The following RBFOX1 variants were observed in gnomAD, a reference collection of about 807,000 sequenced individuals.
RBFOX1 encodes RNA binding fox-1 homolog 1.
RBFOX1 carries 8 observed loss-of-function variants against 57.7 expected under a neutral mutation model. That is an observed-to-expected ratio of 0.14 (90% CI 0.08 to 0.25). The LOEUF (loss-of-function observed/expected upper bound fraction) is 0.25, where lower values mean the gene tolerates loss of function less well. Ranked by LOEUF, RBFOX1 falls within the 10% of genes least tolerant of loss-of-function variation. The pLI is 1.00. For missense variants in RBFOX1, 611 were observed against 548.5 expected, an observed-to-expected ratio of 1.11 and a Z score of -1.14; for synonymous variants, 326 against 222.4, an observed-to-expected ratio of 1.47 and a Z score of -4.15.
At chr16:7,461,053 G>C (rs75595386) in intron 4 of RBFOX1, among the ~76,000 whole-genome samples, 1 of 152,186 alleles carries the variant, frequency 6.6e-6, no homozygotes, top group Non-Finnish European at 1.5e-5. Flanking sequence ...CTGTTAGCCA[G>C]ATAATTATCT....
chr16:5,823,155 T>G (rs983512388), intron 3 of RBFOX1, among the ~76,000 whole-genome samples: 7 of 152,126 alleles, frequency 4.6e-5, no homozygotes, highest in Non-Finnish European at 7.4e-5. Context: ...TGGAGGACTG[T>G]GAGAGTCCTG....
At chr16:6,748,910 G>A (rs1320280377) in intron 3 of RBFOX1, 2 of 152,108 alleles carry the variant, frequency 1.3e-5, no homozygotes, top group Non-Finnish European at 2.9e-5. Context: ...CATAAAATTA[G>A]TGTTACAGTT....
At chr16:6,422,496 A>G (rs555561535) in intron 2 of RBFOX1, among the ~76,000 whole-genome samples, 1 of 152,220 alleles carries the variant, frequency 6.6e-6, no homozygotes, top group African/African-American at 2.4e-5. Flanking sequence ...GCTATAAAGA[A>G]ATGCCTGAGA....
At chr16:7,444,267 C>T (rs542096074) in intron 4 of RBFOX1, among the ~76,000 whole-genome samples, 8 of 152,272 alleles carry the variant, frequency 5.3e-5, no homozygotes, top group South Asian at 2.1e-4. Flanking sequence ...AATGGGTCAT[C>T]CAGAAAACGT....
chr16:5,275,549 A>T (rs1204287695), intron 1 of RBFOX1, among the ~76,000 whole-genome samples: 1 of 152,220 alleles, frequency 6.6e-6, no homozygotes, highest in East Asian at 1.9e-4. Flanking sequence ...ACACAAACAA[A>T]TGGAAACACA....
intron 1 of RBFOX1, among the ~76,000 whole-genome samples, chr16:6,254,646 G>A (rs1162649745): frequency 1.3e-5 from 2 of 152,120 alleles, no homozygotes; most frequent in African/African-American, 4.8e-5. Context: ...TCTAGTCTCT[G>A]CGTGAAATTC....
chr16:6,790,227 C>T (rs902449971), intron 3 of RBFOX1, among the ~76,000 whole-genome samples: 3 of 146,008 alleles, frequency 2.1e-5, no homozygotes, highest in Admixed American at 7.0e-5. Flanking sequence ...CTCTGTCAGC[C>T]AGGCTGGAAT....
intron 3 of RBFOX1, among the ~76,000 whole-genome samples, chr16:6,881,778 C>T (rs981835997): frequency 2.6e-5 from 4 of 152,188 alleles, no homozygotes; most frequent in Admixed American, 2.0e-4. Context: ...ATACCATTAT[C>T]CACTGGAGCC....
chr16:7,713,265 A>G lies in RBFOX1; in HGVS notation c.*2520A>G, dbSNP rs2084261381. ...TCTGTCTTTAGAAATTAGTGTTTAT[A>G]TCACTTACAGTGGTTTGTGAATAAA... is the stretch of plus-strand genomic sequence containing the variant. On this transcript the variant is annotated 3_prime_UTR_variant, in exon 16 of 16. Coordinates refer to ENST00000550418, the MANE Select transcript of RBFOX1 (RefSeq NM_018723.4). 1 of 152,248 alleles carries G rather than the reference A, an allele frequency of 6.6e-6. No homozygotes were observed. Among genetic ancestry groups the G allele is most frequent in the African/African-American group, 2.4e-5 (1 of 41,464 alleles). 9.4% of individuals were successfully genotyped at this position (152,248 alleles called of 1,614,324 possible).
intron 4 of RBFOX1, among the ~76,000 whole-genome samples, chr16:7,391,266 C>G (rs1214031534): frequency 6.6e-6 from 1 of 152,158 alleles, no homozygotes; most frequent in African/African-American, 2.4e-5. Flanking sequence ...ATAGCATTTG[C>G]TGATGTCCCT....
chr16:6,826,825 T>C (rs72766771), intron 3 of RBFOX1, among the ~76,000 whole-genome samples: 9,164 of 152,278 alleles, frequency 0.06, 415 homozygotes, highest in Non-Finnish European at 0.098. Flanking sequence ...TAATGTAAGA[T>C]AAATTAATTT....
intron 2 of RBFOX1, among the ~76,000 whole-genome samples, chr16:6,346,415 C>T (rs555941376): frequency 6.6e-6 from 1 of 152,294 alleles, no homozygotes; most frequent in South Asian, 2.1e-4. Flanking sequence ...GAGTCTGTAA[C>T]AGGTTGCTGA....
At chr16:7,608,383 C>T (rs964181901) in intron 10 of RBFOX1, among the ~76,000 whole-genome samples, 1 of 152,212 alleles carries the variant, frequency 6.6e-6, no homozygotes, top group Non-Finnish European at 1.5e-5. Context: ...TCTGGAAAGG[C>T]TCAACAGGAT....
chr16:6,676,673 C>CTT lies in RBFOX1; in HGVS notation c.-16+22041_-16+22042dup, dbSNP rs756578276. 2.4e-3 allele frequency among the ~76,000 whole-genome samples: 248 copies of CTT among 103,554 alleles called. 3 individuals carry two copies. The highest frequency in any genetic ancestry group is 6.6e-3 in the Middle Eastern group (1 of 152). The allele number at this position is 103,554 out of a possible 152,430, so 67.9% of individuals were successfully genotyped here. ...TTTTTTTTCTTTTTGTTTTTCTTTT[C>CTT]TTTTTTTTTTTTTTTTTTTGAGACA... On this transcript the variant is annotated intron_variant, in intron 3 of 15. Transcript: ENST00000550418.
intron 3 of RBFOX1, among the ~76,000 whole-genome samples, chr16:6,871,242 T>C (rs568483392): frequency 6.6e-6 from 1 of 152,122 alleles, no homozygotes; most frequent in African/African-American, 2.4e-5. Flanking sequence ...CTGGAGTGCA[T>C]TGGCATGATC....
intron 3 of RBFOX1, among the ~76,000 whole-genome samples, chr16:7,036,710 CAAAAA>C (rs201003396): frequency 1.6e-5 from 2 of 128,102 alleles, no homozygotes; most frequent in African/African-American, 5.3e-5. Flanking sequence ...AACAAACAAA[CAAAAA>C]AAACAAAAAA....
At chr16:6,591,834 C>T (rs2097715532) in intron 2 of RBFOX1, among the ~76,000 whole-genome samples, 1 of 152,086 alleles carries the variant, frequency 6.6e-6, no homozygotes, top group Non-Finnish European at 1.5e-5. Context: ...AGATTAACGT[C>T]TTTTACATGA....
chr16:6,880,286 A>G (rs1485461539), intron 3 of RBFOX1, among the ~76,000 whole-genome samples: 2 of 152,176 alleles, frequency 1.3e-5, no homozygotes, highest in African/African-American at 2.4e-5. Context: ...AATGAGACAT[A>G]AGGTTGGCTG....
chr16:6,646,560 G>A (rs530415159), intron 2 of RBFOX1, among the ~76,000 whole-genome samples: 1 of 152,224 alleles, frequency 6.6e-6, no homozygotes, highest in South Asian at 2.1e-4. Flanking sequence ...TGCCACTTCT[G>A]TGTGGGTAAA....
Sources: gnomAD v4.1 joint callset for allele counts (sites outside exome capture counted in the v4.1 genomes callset) on GRCh38, gnomAD v4.1.1 for gene constraint, MANE v1.5 for transcripts, NCBI Gene and HGNC (gene_info 2026-07-23, HGNC 2026-07-21) for gene names.